PRDM16: variants seen among roughly 807,000 people sequenced by gnomAD.
PRDM16 encodes PR/SET domain 16, also known as histone-lysine N-methyltransferase PRDM16.
PRDM16 carries 23 observed loss-of-function variants against 110.6 expected under a neutral mutation model. That is an observed-to-expected ratio of 0.21 (90% CI 0.15 to 0.29). The LOEUF (loss-of-function observed/expected upper bound fraction) is 0.29. PRDM16 is among the 10% of genes least tolerant of loss of function. The probability of loss-of-function intolerance (pLI) is 1.00; values close to 1 mark genes in which losing one functional copy is unlikely to be tolerated. For synonymous variants in PRDM16, 799 were observed against 781.8 expected (o/e 1.02, Z -0.37); for missense variants, 1,615 against 1,794.3 (o/e 0.90, Z 1.81).
rs1036746906 is a variant in PRDM16, at chr1:3,074,861, C to T, written c.37+5565C>T. 1.2e-4 allele frequency among the ~76,000 whole-genome samples: 18 copies of T among 152,360 alleles called. 1 individual carries two copies. Among genetic ancestry groups the T allele is most frequent in the South Asian group, 4.1e-4 (2 of 4,834 alleles). On this transcript the variant is annotated intron_variant, in intron 1 of 16. Coordinates refer to ENST00000270722, the MANE Select transcript of PRDM16 (RefSeq NM_022114.4). ...GCTGCTGCTGCCCTGTTGGTCTGAG[C>T]TGCAGGGTGGAAGGGGCCGGCTGCT...
At chr1:3,341,525 A>G (rs1207317703) in intron 3 of PRDM16, among the ~76,000 whole-genome samples, 2 of 152,214 alleles carry the variant, frequency 1.3e-5, no homozygotes, top group Non-Finnish European at 2.9e-5. Context: ...TGAAGCACAG[A>G]CAAAGAGGAA....
intron 3 of PRDM16, among the ~76,000 whole-genome samples, chr1:3,267,543 G>A (rs541889578): frequency 4.6e-5 from 7 of 152,256 alleles, no homozygotes; most frequent in Admixed American, 1.3e-4. Context: ...TCACAATAAC[G>A]CTATGTCTCA....
chr1:3,181,754 ACGG>A (rs1644203595), intron 1 of PRDM16, among the ~76,000 whole-genome samples: 1 of 133,454 alleles, frequency 7.5e-6, no homozygotes, highest in African/African-American at 2.8e-5. Flanking sequence ...AGTCTTACAC[ACGG>A]TCTTACACAC....
Position 3,433,924 on chromosome 1 carries a change from C to A in PRDM16, c.*113C>A. On this transcript the variant is annotated 3_prime_UTR_variant, in exon 17 of 17. Transcript: ENST00000270722. ...CTGCGTGTGGCCACTCCTCAGCATC[C>A]TCCCCACCCACCATGGTTCATTCCG... The A allele has an allele frequency of 9.6e-7, 1 of 1,042,830 alleles. No individual in the cohort carries two copies. Among genetic ancestry groups the A allele is most frequent in the Non-Finnish European group, 1.4e-6 (1 of 726,784 alleles). 64.6% of individuals were successfully genotyped at this position (1,042,830 alleles called of 1,614,324 possible).
chr1:3,378,310 C>A (rs978768525), intron 3 of PRDM16, among the ~76,000 whole-genome samples: 2 of 152,188 alleles, frequency 1.3e-5, no homozygotes, highest in Admixed American at 6.5e-5. Context: ...GAGTGGTGGC[C>A]TCTCTCTGTC....
intron 3 of PRDM16, among the ~76,000 whole-genome samples, chr1:3,261,380 T>G (rs541917283): frequency 6.6e-6 from 1 of 152,296 alleles, no homozygotes; most frequent in South Asian, 2.1e-4. Flanking sequence ...CGAGATGACT[T>G]GGTTTCCATG....
chr1:3,122,578 T>C (rs963733435), intron 1 of PRDM16, among the ~76,000 whole-genome samples: 1 of 152,166 alleles, frequency 6.6e-6, no homozygotes, highest in Admixed American at 6.5e-5. Flanking sequence ...AAAACTCAAG[T>C]GCCCGCAAGA....
chr1:3,396,325 C>T lies in PRDM16; in HGVS notation c.574-166C>T, dbSNP rs755571074. ...TTAAAAGGGGACGCAATTCCTTCTG[C>T]GCATACTCTGCAAAAGTTCCATAGT... On this transcript the variant is annotated intron_variant, in intron 4 of 16. Coordinates refer to ENST00000270722, the MANE Select transcript of PRDM16 (RefSeq NM_022114.4). The T allele has an allele frequency of 7.1e-5, 49 of 691,204 alleles. 2 individuals are homozygous for T. The highest frequency in any genetic ancestry group is 4.7e-4 in the Middle Eastern group (2 of 4,286). The allele number at this position is 691,204 out of a possible 1,614,324, so 42.8% of individuals were successfully genotyped here.
chr1:3,404,939 C>T (rs886422314), intron 7 of PRDM16, 53 bp downstream of exon 7: 43 of 1,576,544 alleles, frequency 2.7e-5, no homozygotes, highest in East Asian at 9.0e-5. Context: ...AGGCTGCAGA[C>T]GGGCGCCCGC....
intron 3 of PRDM16, among the ~76,000 whole-genome samples, chr1:3,331,060 G>A (rs1273125084): frequency 1.3e-5 from 2 of 152,184 alleles, no homozygotes; most frequent in Non-Finnish European, 2.9e-5. Flanking sequence ...AGGCCCCACC[G>A]CCCACCCGGG....
rs367699310 is a variant in PRDM16, at chr1:3,146,591, G to C, written c.38-39534G>C. Among the ~76,000 whole-genome samples, 28 of 148,364 alleles carry C rather than the reference G, an allele frequency of 1.9e-4. No homozygotes were observed. In the East Asian group the frequency reaches 2.6e-3, roughly 14 times the overall value. ...TGTGTGCTCGGTGTGGGGCATATGT[G>C]TGCACGTGTGTGCTCAGTGTGGGGG... On this transcript the variant is annotated intron_variant, in intron 1 of 16. Transcript: ENST00000270722.
Position 3,080,768 on chromosome 1 carries a change from G to A in PRDM16, c.37+11472G>A, listed in dbSNP as rs781062582. On this transcript the variant is annotated intron_variant, in intron 1 of 16. Transcript: ENST00000270722. The surrounding 1 kb of genome is among the most constrained non-coding windows in gnomAD (Gnocchi z 5.2). ...AGGAACATGTTGGGCGGTTTCTTCCGGGCCGGGGAAATCTGAGCAGCCACA... is the reference window on the plus strand; with the variant it reads ...AGGAACATGTTGGGCGGTTTCTTCCAGGCCGGGGAAATCTGAGCAGCCACA... Among the ~76,000 whole-genome samples, 6 of 152,202 alleles carry A rather than the reference G, an allele frequency of 3.9e-5. No homozygotes were observed. Among genetic ancestry groups the A allele is most frequent in the South Asian group, 4.2e-4 (2 of 4,816 alleles).
intron 3 of PRDM16, among the ~76,000 whole-genome samples, chr1:3,281,057 C>T (rs1640702315): frequency 6.6e-6 from 1 of 152,226 alleles, no homozygotes; most frequent in South Asian, 2.1e-4. Flanking sequence ...CGGGCAAGTC[C>T]CTGCACCTGT....
chr1:3,110,252 T>TG (rs1411337161), intron 1 of PRDM16, among the ~76,000 whole-genome samples: 1 of 135,558 alleles, frequency 7.4e-6, no homozygotes, highest in East Asian at 2.3e-4. Flanking sequence ...GGGGACACAG[T>TG]GGCTGTGGCT....
chr1:3,386,836 T>C (rs559620206), intron 4 of PRDM16: 2 of 152,266 alleles, frequency 1.3e-5, no homozygotes, highest in African/African-American at 4.8e-5. Flanking sequence ...GGCTGTGCTT[T>C]TGTGAGATGC....
At chr1:3,417,766 C>T (rs966129942) in intron 10 of PRDM16, 62 bp from the exon 11 acceptor site, 20 of 1,425,874 alleles carry the variant, frequency 1.4e-5, no homozygotes, top group East Asian at 6.8e-5. Flanking sequence ...CCCAGCAGTG[C>T]GTGCCCCTGA....
At chr1:3,106,000 C>T (rs1371094192) in intron 1 of PRDM16, among the ~76,000 whole-genome samples, 1 of 151,226 alleles carries the variant, frequency 6.6e-6, no homozygotes, top group Non-Finnish European at 1.5e-5. Context: ...AAAGCTCTGC[C>T]CTGTCCTCCA....
chr1:3,346,385 G>A (rs1194488060), intron 3 of PRDM16, among the ~76,000 whole-genome samples: 4 of 152,100 alleles, frequency 2.6e-5, no homozygotes, highest in African/African-American at 9.7e-5. Context: ...GAAAAGTCAG[G>A]GCCTTGGGCA....
chr1:3,323,491 C>T (rs746750109), intron 3 of PRDM16, among the ~76,000 whole-genome samples: 1 of 152,252 alleles, frequency 6.6e-6, no homozygotes, highest in Non-Finnish European at 1.5e-5. Flanking sequence ...CAGGCGTGGA[C>T]GGCTCTCCTG....
Sources: gnomAD v4.1 joint callset for allele counts (sites outside exome capture counted in the v4.1 genomes callset) on GRCh38, gnomAD v4.1.1 for gene constraint, Gnocchi (gnomAD v3.1) non-coding constraint, MANE v1.5 for transcripts, NCBI Gene and HGNC (gene_info 2026-07-23, HGNC 2026-07-21) for gene names.